SKIC3: variants seen among roughly 807,000 people sequenced by gnomAD.
The protein encoded by SKIC3 is superkiller complex protein 3.
chr5:95,532,057 T>C, the SKIC3 span, among the ~76,000 whole-genome samples: 1 of 152,068 alleles, frequency 6.6e-6, no homozygotes, highest in Non-Finnish European at 1.5e-5. Flanking sequence ...TCTCTACCCA[T>C]CTCAGTCTAA....
chr5:95,554,471 T>G, the SKIC3 span, among the ~76,000 whole-genome samples: 2 of 152,210 alleles, frequency 1.3e-5, no homozygotes, highest in South Asian at 2.1e-4. Context: ...GTCAACTAAC[T>G]GAACATGTCA....
chr5:95,518,847 T>C, the SKIC3 span, among the ~76,000 whole-genome samples: 206 of 152,190 alleles, frequency 1.4e-3, no homozygotes, highest in African/African-American at 4.9e-3. Flanking sequence ...TGCTGGATCA[T>C]ACGGTAGTTC....
chr5:95,510,138 G>A, the SKIC3 span, among the ~76,000 whole-genome samples: 1 of 152,058 alleles, frequency 6.6e-6, no homozygotes, highest in South Asian at 2.1e-4. Context: ...AGGTAAGTTT[G>A]GTACTTTCGG....
At chr5:95,473,567 C>T in the SKIC3 span, among the ~76,000 whole-genome samples, 2 of 152,172 alleles carry the variant, frequency 1.3e-5, no homozygotes, top group Admixed American at 6.5e-5. Flanking sequence ...TAAGCCACCA[C>T]ATCCAGCCTG....
the SKIC3 span, chr5:95,516,369 G>C: frequency 6.2e-7 from 1 of 1,613,014 alleles, no homozygotes; most frequent in South Asian, 1.1e-5. Flanking sequence ...GTTTTCATTT[G>C]TGAGGTATAA....
chr5:95,544,257 T>G, the SKIC3 span, among the ~76,000 whole-genome samples: 2 of 152,080 alleles, frequency 1.3e-5, no homozygotes, highest in Non-Finnish European at 1.5e-5. Flanking sequence ...AAGATTTAAA[T>G]TTTCCAAAAG....
At chr5:95,514,672 C>T in the SKIC3 span, among the ~76,000 whole-genome samples, 1 of 152,120 alleles carries the variant, frequency 6.6e-6, no homozygotes, top group Non-Finnish European at 1.5e-5. Flanking sequence ...TAACATCAAC[C>T]ATATCTCAAA....
At chr5:95,532,739 TA>T in the SKIC3 span, among the ~76,000 whole-genome samples, 35 of 152,164 alleles carry the variant, frequency 2.3e-4, no homozygotes, top group African/African-American at 8.2e-4. Flanking sequence ...TAGACAATAT[TA>T]TTTTTATTTC....
chr5:95,527,145 T>C, the SKIC3 span, among the ~76,000 whole-genome samples: 1 of 152,212 alleles, frequency 6.6e-6, no homozygotes, highest in Non-Finnish European at 1.5e-5. Context: ...CCTTTTGTAG[T>C]CTGAGCCCTT....
chr5:95,478,319 G>A, the SKIC3 span: 9 of 1,613,788 alleles, frequency 5.6e-6, no homozygotes, highest in African/African-American at 9.3e-5. Context: ...AGTAGTGCTA[G>A]TCTCAACAGA....
the SKIC3 span, among the ~76,000 whole-genome samples, chr5:95,524,210 C>T: frequency 6.6e-6 from 1 of 152,054 alleles, no homozygotes; most frequent in African/African-American, 2.4e-5. Flanking sequence ...TGAAAATTAC[C>T]TTAAAAGTAT....
At chr5:95,468,433 G>A in the SKIC3 span, among the ~76,000 whole-genome samples, 1 of 152,138 alleles carries the variant, frequency 6.6e-6, no homozygotes, top group African/African-American at 2.4e-5. Context: ...AATATTCAAT[G>A]TCTACATTAC....
the SKIC3 span, chr5:95,528,198 T>G: frequency 6.2e-7 from 1 of 1,612,192 alleles, no homozygotes; most frequent in Non-Finnish European, 8.5e-7. Flanking sequence ...ATATCACTTC[T>G]GTTTATTTTT....
the SKIC3 span, among the ~76,000 whole-genome samples, chr5:95,543,751 G>C: frequency 2.0e-5 from 3 of 152,074 alleles, no homozygotes; most frequent in Non-Finnish European, 2.9e-5. Context: ...CCCCATATTA[G>C]ACACATGGAT....
the SKIC3 span, chr5:95,464,714 T>C: frequency 8.3e-6 from 13 of 1,559,042 alleles, no homozygotes; most frequent in Non-Finnish European, 1.1e-5. Context: ...ACGTCAGTAT[T>C]TTGTTTATTA....
the SKIC3 span, among the ~76,000 whole-genome samples, chr5:95,505,647 A>G: frequency 1.3e-5 from 2 of 152,088 alleles, no homozygotes; most frequent in Non-Finnish European, 2.9e-5. Context: ...CTCCGTCTCT[A>G]CTAAAAATAC....
chr5:95,526,716 G>A, the SKIC3 span, among the ~76,000 whole-genome samples: 1 of 152,068 alleles, frequency 6.6e-6, no homozygotes, highest in South Asian at 2.1e-4. Flanking sequence ...TGATCCACCT[G>A]CCTCGGCCTC....
At chr5:95,541,961 A>C in the SKIC3 span, 7 of 1,130,284 alleles carry the variant, frequency 6.2e-6, no homozygotes, top group East Asian at 2.4e-5. Context: ...TGCTGTTCTC[A>C]CATTCATTTA....
the SKIC3 span, chr5:95,503,846 A>C: frequency 1.2e-6 from 2 of 1,614,018 alleles, no homozygotes; most frequent in Middle Eastern, 3.3e-4. Flanking sequence ...CCCCTTCATG[A>C]ATAAAGCCAA....
Sources: allele counts gnomAD v4.1 joint callset (sites outside exome capture counted in the v4.1 genomes callset), GRCh38; gene constraint gnomAD v4.1.1; transcripts MANE v1.5; gene names NCBI Gene and HGNC (gene_info 2026-07-23, HGNC 2026-07-21).